The following MAP4K4 variants were observed in gnomAD, a reference collection of about 807,000 sequenced individuals.
The protein encoded by MAP4K4 is HPK/GCK-like kinase HGK.
In MAP4K4, 38 loss-of-function variants were observed where a neutral mutation model predicts 189.6. The observed-to-expected ratio is 0.20, with a 90% CI of 0.15 to 0.26. The LOEUF is 0.26. Ranked by LOEUF, MAP4K4 falls within the 10% of genes least tolerant of loss-of-function variation. MAP4K4 has a pLI of 1.00. For missense variants in MAP4K4, 1,054 were observed against 1,726.9 expected, an observed-to-expected ratio of 0.61 and a Z score of 6.91; for synonymous variants, 610 against 624.3, an observed-to-expected ratio of 0.98 and a Z score of 0.34.
intron 12 of MAP4K4, among the ~76,000 whole-genome samples, chr2:101,849,288 A>G (rs2097205033): frequency 6.6e-6 from 1 of 151,818 alleles, no homozygotes; most frequent in Non-Finnish European, 1.5e-5. Context: ...ATACTAGGCT[A>G]ATTTTTGTAT....
chr2:101,712,541 C>T (rs1199971449), intron 2 of MAP4K4, among the ~76,000 whole-genome samples: 4 of 149,744 alleles, frequency 2.7e-5, no homozygotes, highest in African/African-American at 9.8e-5. Context: ...CCTCTGTCAC[C>T]CAGGCTGGAG....
intron 12 of MAP4K4, among the ~76,000 whole-genome samples, chr2:101,853,794 G>A (rs2097359115): frequency 6.6e-6 from 1 of 151,968 alleles, no homozygotes; most frequent in African/African-American, 2.4e-5. Flanking sequence ...GCTGAAGTTG[G>A]GAGCAGGTAG....
At chr2:101,883,388 A>G (rs1009165603) in intron 28 of MAP4K4, among the ~76,000 whole-genome samples, 7 of 152,048 alleles carry the variant, frequency 4.6e-5, no homozygotes, top group African/African-American at 1.5e-4. Flanking sequence ...CTGGAGCGCA[A>G]TGGTGCGATC....
chr2:101,801,695 C>T (rs1207514600), intron 3 of MAP4K4, among the ~76,000 whole-genome samples: 1 of 152,134 alleles, frequency 6.6e-6, no homozygotes, highest in African/African-American at 2.4e-5. Flanking sequence ...TGTAAGCTGC[C>T]CTTTTTAGGG....
At chr2:101,740,551 A>G (rs961304400) in intron 2 of MAP4K4, among the ~76,000 whole-genome samples, 4 of 152,206 alleles carry the variant, frequency 2.6e-5, no homozygotes, top group African/African-American at 7.2e-5. Context: ...CTGGAATCCT[A>G]CACTAATAAG....
chr2:101,843,334 G>A (rs1354690108), intron 11 of MAP4K4, among the ~76,000 whole-genome samples: 1 of 152,112 alleles, frequency 6.6e-6, no homozygotes, highest in Non-Finnish European at 1.5e-5. Flanking sequence ...CCAGAGAATG[G>A]GACTTGGAAC....
chr2:101,790,593 A>G (rs1453859572), intron 2 of MAP4K4, 127 bp from the exon 3 acceptor site: 14 of 690,030 alleles, frequency 2.0e-5, no homozygotes, highest in Middle Eastern at 2.4e-4. Context: ...CTATTTCGTC[A>G]TCACTTTTGG....
chr2:101,803,139 T>C (rs1282893372), intron 3 of MAP4K4, among the ~76,000 whole-genome samples: 1 of 152,222 alleles, frequency 6.6e-6, no homozygotes, highest in East Asian at 1.9e-4. Context: ...TAGCATATAG[T>C]AGGCATTTAG....
chr2:101,888,964 G>A (rs1482525292), intron 32 of MAP4K4, 29 bp downstream of exon 32: 6 of 1,581,546 alleles, frequency 3.8e-6, no homozygotes, highest in Non-Finnish European at 5.2e-6. Flanking sequence ...ATTCTTTTTA[G>A]TTGCTCTATC....
chr2:101,780,156 G>T (rs1429784435), intron 2 of MAP4K4, among the ~76,000 whole-genome samples: 1 of 152,202 alleles, frequency 6.6e-6, no homozygotes, highest in Non-Finnish European at 1.5e-5. Flanking sequence ...TGCTGAGAAA[G>T]AAGTTAAGAA....
intron 3 of MAP4K4, chr2:101,797,156 T>C (rs574164753): frequency 1.8e-6 from 2 of 1,114,550 alleles, no homozygotes; most frequent in East Asian, 6.0e-5. Context: ...GTAATGAATG[T>C]GTTGTTCTTG....
At chr2:101,727,931 C>T (rs1424481818) in intron 2 of MAP4K4, among the ~76,000 whole-genome samples, 2 of 152,010 alleles carry the variant, frequency 1.3e-5, no homozygotes, top group Non-Finnish European at 2.9e-5. Flanking sequence ...ATCACGCCAC[C>T]GCACTCCAGC....
At chr2:101,851,148 A>T (rs1240405105) in intron 12 of MAP4K4, among the ~76,000 whole-genome samples, 1 of 152,222 alleles carries the variant, frequency 6.6e-6, no homozygotes, top group Non-Finnish European at 1.5e-5. Flanking sequence ...TAGATAATTA[A>T]AGCTTAGTTG....
intron 2 of MAP4K4, among the ~76,000 whole-genome samples, chr2:101,765,090 A>AG (rs2078038447): frequency 1.3e-5 from 2 of 152,194 alleles, no homozygotes; most frequent in South Asian, 4.1e-4. Context: ...GGGAATAATC[A>AG]GATAATTTCA....
chr2:101,727,184 C>T (rs1051513374), intron 2 of MAP4K4, among the ~76,000 whole-genome samples: 2 of 152,182 alleles, frequency 1.3e-5, no homozygotes, highest in Non-Finnish European at 2.9e-5. Flanking sequence ...GAAGCCATTA[C>T]ACCCTCTCAT....
At chr2:101,820,843 G>T (rs1056177102) in intron 3 of MAP4K4, among the ~76,000 whole-genome samples, 1 of 152,142 alleles carries the variant, frequency 6.6e-6, no homozygotes, top group Non-Finnish European at 1.5e-5. Flanking sequence ...AGCCCTGGTC[G>T]CTACTGCTCG....
chr2:101,790,786 A>G lies in MAP4K4; in HGVS notation c.180+10A>G. 1 of 1,599,878 alleles carries G rather than the reference A, an allele frequency of 6.3e-7. No individual in the cohort carries two copies. Among genetic ancestry groups the G allele is most frequent in the East Asian group, 2.2e-5 (1 of 44,724 alleles). ...TATGGATGTCACTGAGGTAAGATTG[A>G]GTCACACACATTTTTAAATAATGTT... On this transcript the variant is annotated intron_variant, in intron 3 of 32. Coordinates refer to ENST00000324219, the Ensembl canonical transcript of MAP4K4.
At chr2:101,829,640 A>G (rs377674547) in intron 6 of MAP4K4, 46 bp downstream of exon 6, 1 of 1,331,310 alleles carries the variant, frequency 7.5e-7, no homozygotes, top group Non-Finnish European at 1.1e-6. Flanking sequence ...CACCTGGCAC[A>G]AGCCAGCTGC....
chr2:101,719,546 A>G (rs748705469), intron 2 of MAP4K4, among the ~76,000 whole-genome samples: 24 of 152,160 alleles, frequency 1.6e-4, no homozygotes, highest in Non-Finnish European at 2.6e-4. Context: ...AGGCCCCAGG[A>G]AAGAGGGGGA....
Sources: allele counts gnomAD v4.1 joint callset (sites outside exome capture counted in the v4.1 genomes callset), GRCh38; gene constraint gnomAD v4.1.1; transcripts MANE v1.5; gene names NCBI Gene and HGNC (gene_info 2026-07-23, HGNC 2026-07-21).